MDGA2: variants seen among roughly 807,000 people sequenced by gnomAD.
MDGA2 encodes MAM domain containing glycosylphosphatidylinositol anchor 2, also known as MAM domain-containing glycosylphosphatidylinositol anchor protein 2.
In MDGA2, 40 loss-of-function variants were observed where a neutral mutation model predicts 117.8. That is an observed-to-expected ratio of 0.34 (90% CI 0.26 to 0.44). MDGA2 has a LOEUF of 0.44. Among genes scored for constraint, MDGA2 ranks in the 20% least tolerant of loss-of-function variants. The probability of loss-of-function intolerance (pLI) is 1.00; values close to 1 mark genes in which losing one functional copy is unlikely to be tolerated. For missense variants in MDGA2, 1,123 were observed against 1,250.6 expected (o/e 0.90, Z 1.54); for synonymous variants, 452 against 439.0 (o/e 1.03, Z -0.37).
At chr14:47,299,751 T>G (rs983385242) in intron 2 of MDGA2, among the ~76,000 whole-genome samples, 4 of 152,158 alleles carry the variant, frequency 2.6e-5, no homozygotes. Flanking sequence ...AGTCTGTCCT[T>G]GTATGTTGTC....
chr14:47,224,401 T>C (rs1168375110), intron 2 of MDGA2, among the ~76,000 whole-genome samples: 10 of 152,074 alleles, frequency 6.6e-5, no homozygotes, highest in South Asian at 6.2e-4. Flanking sequence ...CTTAGGAAAA[T>C]ATTAAAAACC....
intron 1 of MDGA2, among the ~76,000 whole-genome samples, chr14:47,464,793 C>T (rs1462929777): frequency 6.6e-6 from 1 of 152,082 alleles, no homozygotes; most frequent in African/African-American, 2.4e-5. Flanking sequence ...TATCAAAATA[C>T]CAAAGACATT....
At chr14:47,340,474 G>A (rs1188436072) in intron 1 of MDGA2, among the ~76,000 whole-genome samples, 2 of 151,832 alleles carry the variant, frequency 1.3e-5, no homozygotes, top group African/African-American at 4.8e-5. Flanking sequence ...CATCAATAAC[G>A]AGTGCCATCT....
chr14:46,953,992 G>A (rs1885465154), intron 9 of MDGA2, among the ~76,000 whole-genome samples: 2 of 152,070 alleles, frequency 1.3e-5, no homozygotes, highest in South Asian at 2.1e-4. Context: ...CAAGCTGCTG[G>A]AAACATCTTT....
At chr14:46,860,813 T>G (rs973402528) in intron 14 of MDGA2, among the ~76,000 whole-genome samples, 2 of 151,996 alleles carry the variant, frequency 1.3e-5, no homozygotes, top group Non-Finnish European at 2.9e-5. Context: ...TATTCTTTCG[T>G]AAAGTTCATA....
chr14:47,014,906 C>T (rs866268724), intron 8 of MDGA2, among the ~76,000 whole-genome samples: 33 of 152,178 alleles, frequency 2.2e-4, no homozygotes, highest in African/African-American at 6.5e-4. Context: ...GCCTAGCTTT[C>T]ACCCTCTCAG....
chr14:47,259,924 G>A (rs10484189), intron 2 of MDGA2, among the ~76,000 whole-genome samples: 4,742 of 152,072 alleles, frequency 0.031, 171 homozygotes, highest in East Asian at 0.18. Context: ...TTGACAAGAC[G>A]ATCTAACATC....
intron 1 of MDGA2, among the ~76,000 whole-genome samples, chr14:47,400,420 T>A (rs1368306420): frequency 6.6e-6 from 1 of 152,142 alleles, no homozygotes; most frequent in Non-Finnish European, 1.5e-5. Context: ...TCTATCCCCT[T>A]ATACTTAGGC....
intron 14 of MDGA2, among the ~76,000 whole-genome samples, chr14:46,869,863 C>A (rs1881928406): frequency 1.3e-5 from 2 of 151,886 alleles, no homozygotes; most frequent in South Asian, 2.1e-4. Flanking sequence ...TGAGGGAGGC[C>A]TCCAATCAAC....
At chr14:47,483,047 TTA>T (rs1893986258) in intron 1 of MDGA2, among the ~76,000 whole-genome samples, 1 of 152,140 alleles carries the variant, frequency 6.6e-6, no homozygotes, top group African/African-American at 2.4e-5. Context: ...AACTGACATT[TTA>T]TGACATACTT....
chr14:46,840,202 T>A lies in MDGA2; in HGVS notation c.*1729A>T, dbSNP rs1191762618. On this transcript the variant is annotated 3_prime_UTR_variant, in exon 17 of 17. Coordinates refer to ENST00000399232, the MANE Select transcript of MDGA2 (RefSeq NM_001113498.3). ...CAGAATTGTTTTAAAAAACAAGCTT[T>A]GTCATTTTCCACTACATTTTGTTGT... The A allele has an allele frequency of 6.6e-6, 1 of 152,534 alleles. No individual in the cohort carries two copies. Among genetic ancestry groups the A allele is most frequent in the Admixed American group, 6.6e-5 (1 of 15,238 alleles). 9.4% of individuals were successfully genotyped at this position (152,534 alleles called of 1,614,324 possible). A position where few individuals can be genotyped will look rare whatever the true frequency, so the allele number is the denominator to read the frequency against.
chr14:46,898,441 C>T (rs768533401), intron 10 of MDGA2, among the ~76,000 whole-genome samples: 2 of 151,912 alleles, frequency 1.3e-5, no homozygotes, highest in Non-Finnish European at 2.9e-5. Flanking sequence ...CAGATAATGG[C>T]CATTCAGTCT....
chr14:46,957,470 A>T lies in MDGA2; in HGVS notation c.1993T>A (p.Tyr665Asn), dbSNP rs746120397. 6 of 1,614,092 alleles carry T rather than the reference A, an allele frequency of 3.7e-6. No individual in the cohort carries two copies. Among genetic ancestry groups the T allele is most frequent in the Non-Finnish European group, 5.1e-6 (6 of 1,180,004 alleles). Reference sequence around the variant, plus strand: ...TCATTGGAAAGACTCTTCACAGCGTACTCTGTGTATTCCTGAGAGTCAAAT... The same window carrying T: ...TCATTGGAAAGACTCTTCACAGCGTTCTCTGTGTATTCCTGAGAGTCAAAT... ...GQFDSQEYTE[Y>N]AVKSLSNENY... The change falls in exon 9 of 17, where the codon TAC becomes AAC. Residue 665 changes from tyrosine (Y) to asparagine (N), a missense_variant. Around this residue, in one of 2 missense-constraint regions of MDGA2, gnomAD observed 890 missense variants for 1,050.3 expected, o/e 0.85. Coordinates refer to ENST00000399232, the MANE Select transcript of MDGA2 (RefSeq NM_001113498.3).
intron 1 of MDGA2, among the ~76,000 whole-genome samples, chr14:47,507,767 T>C (rs1437619279): frequency 1.3e-5 from 2 of 152,220 alleles, no homozygotes. Context: ...AAACAATTCA[T>C]ACAAAATTTT....
Position 46,920,283 on chromosome 14 carries a change from A to AT in MDGA2, c.2090-124dup, listed in dbSNP as rs1423542609. 3.3e-6 allele frequency: 3 copies of AT among 914,778 alleles called. No homozygotes were observed. The African/African-American group carries it at 5.3e-5, about 16-fold the overall frequency. The allele number at this position is 914,778 out of a possible 1,614,324, so 56.7% of individuals were successfully genotyped here. On this transcript the variant is annotated intron_variant, in intron 9 of 16. Coordinates refer to ENST00000399232, the MANE Select transcript of MDGA2 (RefSeq NM_001113498.3). ...CATTAGTAATTATAAAATCCAATCA[A>AT]TTTTCTGGATATGTTTTGAGAACAG...
intron 1 of MDGA2, among the ~76,000 whole-genome samples, chr14:47,673,594 A>T (rs1016339646): frequency 7.3e-5 from 11 of 150,602 alleles, no homozygotes; most frequent in African/African-American, 2.7e-4. Context: ...GTCCCAAGAG[A>T]AGACATACAT....
chr14:47,300,834 A>G (rs1292126510), intron 2 of MDGA2, among the ~76,000 whole-genome samples: 1 of 152,102 alleles, frequency 6.6e-6, no homozygotes, highest in Non-Finnish European at 1.5e-5. Flanking sequence ...GTGCCCTTTA[A>G]AAGTCTCCAT....
chr14:47,163,301 G>A (rs554113008), intron 3 of MDGA2, among the ~76,000 whole-genome samples: 12 of 152,162 alleles, frequency 7.9e-5, no homozygotes, highest in Admixed American at 3.3e-4. Flanking sequence ...TCTACTATGC[G>A]CATGGCAAGG....
chr14:46,966,245 A>C (rs1259667594), intron 8 of MDGA2, among the ~76,000 whole-genome samples: 1 of 152,210 alleles, frequency 6.6e-6, no homozygotes, highest in Non-Finnish European at 1.5e-5. Flanking sequence ...CCAGCTAAAA[A>C]GTAGCAGACT....
Sources: allele counts gnomAD v4.1 joint callset (sites outside exome capture counted in the v4.1 genomes callset), GRCh38; gene constraint gnomAD v4.1.1; regional missense constraint gnomAD v4.1.1; transcripts MANE v1.5; gene names NCBI Gene and HGNC (gene_info 2026-07-23, HGNC 2026-07-21).